Variants in PCDH15 observed in about 807,000 individuals in gnomAD.
The protein encoded by PCDH15 is protocadherin related 15.
Under a neutral mutation model 178.5 loss-of-function variants are expected in PCDH15, and 129 were observed. The ratio of observed to expected loss-of-function variants is 0.72; its 90% CI spans 0.63 to 0.84. PCDH15 has a LOEUF of 0.84. PCDH15 is among the 40% of genes least tolerant of loss of function. The pLI is 0.00. For synonymous variants in PCDH15, 800 were observed against 732.0 expected (o/e 1.09, Z -1.50); for missense variants, 2,230 against 2,099.9 (o/e 1.06, Z -1.21).
chr10:54,870,350 G>A (rs921232826), intron 3 of PCDH15, among the ~76,000 whole-genome samples: 12 of 152,238 alleles, frequency 7.9e-5, no homozygotes, highest in Non-Finnish European at 1.5e-4. Context: ...AGGTGGCCTG[G>A]GAGTTACATT....
At chr10:54,755,586 G>A (rs1946960243) in intron 1 of PCDH15, among the ~76,000 whole-genome samples, 3 of 152,160 alleles carry the variant, frequency 2.0e-5, no homozygotes, top group Middle Eastern at 3.4e-3. Context: ...ACAGGGAAGA[G>A]AAAGATACAT....
chr10:54,049,772 C>T (rs571140067), intron 18 of PCDH15, among the ~76,000 whole-genome samples: 1 of 152,090 alleles, frequency 6.6e-6, no homozygotes, highest in Non-Finnish European at 1.5e-5. Flanking sequence ...AAGCACCCGC[C>T]ACCAAGCCTG....
intron 21 of PCDH15, among the ~76,000 whole-genome samples, chr10:53,965,621 C>T (rs371030198): frequency 1.3e-5 from 2 of 152,100 alleles, no homozygotes; most frequent in Non-Finnish European, 2.9e-5. Flanking sequence ...GTAAATCTCG[C>T]CTTAGAACAC....
intron 2 of PCDH15, among the ~76,000 whole-genome samples, chr10:55,369,877 T>C (rs1186088771): frequency 6.6e-6 from 1 of 152,024 alleles, no homozygotes; most frequent in African/African-American, 2.4e-5. Flanking sequence ...GGGTCTGTCC[T>C]GGACTGAGAC....
chr10:54,919,002 G>C (rs535079844), intron 2 of PCDH15, among the ~76,000 whole-genome samples: 170 of 152,188 alleles, frequency 1.1e-3, no homozygotes, highest in Non-Finnish European at 1.8e-3. Flanking sequence ...ACTCATTTAG[G>C]AAAAGATCAC....
chr10:55,145,237 T>C (rs929640782), intron 2 of PCDH15, among the ~76,000 whole-genome samples: 2 of 151,930 alleles, frequency 1.3e-5, no homozygotes, highest in Admixed American at 1.3e-4. Flanking sequence ...GAGGACCAGG[T>C]TTTGCAGGAT....
chr10:54,533,485 T>C (rs1328813884), intron 2 of PCDH15, among the ~76,000 whole-genome samples: 1 of 152,012 alleles, frequency 6.6e-6, no homozygotes, highest in African/African-American at 2.4e-5. Flanking sequence ...AGTAAAGTGA[T>C]GAAAAAAAAG....
intron 2 of PCDH15, among the ~76,000 whole-genome samples, chr10:54,962,675 G>A (rs906379729): frequency 2.0e-5 from 3 of 152,198 alleles, no homozygotes; most frequent in Admixed American, 1.3e-4. Context: ...TCCTGGAGCT[G>A]CCTGCCTTGC....
At chr10:55,531,980 A>G (rs185552608) in intron 2 of PCDH15, among the ~76,000 whole-genome samples, 1 of 152,158 alleles carries the variant, frequency 6.6e-6, no homozygotes, top group African/African-American at 2.4e-5. Flanking sequence ...CGAAGAAGTG[A>G]ATAAATAGAT....
At chr10:53,847,991 A>G (rs1401492364) in intron 28 of PCDH15, among the ~76,000 whole-genome samples, 1 of 152,106 alleles carries the variant, frequency 6.6e-6, no homozygotes. Flanking sequence ...ACTTTCTGAT[A>G]CAAACGGAAT....
At chr10:54,366,081 C>T (rs1350966395) in intron 5 of PCDH15, among the ~76,000 whole-genome samples, 12 of 151,886 alleles carry the variant, frequency 7.9e-5, no homozygotes. Flanking sequence ...GATGATTGAC[C>T]TAAGGACTTG....
chr10:54,815,084 A>G (rs1468133267), intron 3 of PCDH15, among the ~76,000 whole-genome samples: 2 of 152,066 alleles, frequency 1.3e-5, no homozygotes, highest in Non-Finnish European at 2.9e-5. Context: ...CCCTTGGACA[A>G]TAAGGGTTTG....
intron 2 of PCDH15, among the ~76,000 whole-genome samples, chr10:54,592,085 C>T (rs1298135424): frequency 6.6e-6 from 1 of 152,076 alleles, no homozygotes; most frequent in Non-Finnish European, 1.5e-5. Flanking sequence ...TTTGTGAACA[C>T]AGTGGTAAAT....
chr10:54,273,372 A>C (rs1425364556), intron 8 of PCDH15, among the ~76,000 whole-genome samples: 2 of 89,298 alleles, frequency 2.2e-5, no homozygotes, highest in Admixed American at 1.2e-4. Flanking sequence ...GAAGTAGTAC[A>C]GTAAAAAAAA....
intron 1 of PCDH15, among the ~76,000 whole-genome samples, chr10:54,796,444 C>A (rs1237046937): frequency 2.7e-5 from 4 of 147,788 alleles, no homozygotes; most frequent in Non-Finnish European, 5.9e-5. Context: ...CTTTCCCTAT[C>A]TCTTTACATT....
In PCDH15 at chr10:54,213,989, G is replaced by C. The variant is rs1554841242; in HGVS notation, c.1045C>G (p.Leu349Val). 6.2e-7 allele frequency: 1 copy of C among 1,612,254 alleles called. No individual in the cohort carries two copies. The highest frequency in any genetic ancestry group is 8.5e-7 in the Non-Finnish European group (1 of 1,178,516). The change falls in exon 10 of 38, where the codon CTC (leucine) becomes GTC (valine). Residue 349 changes from leucine to valine, a missense_variant. Leu to Val is a conservative substitution (Grantham distance 32). Coordinates refer to ENST00000644397, the MANE Select transcript of PCDH15 (RefSeq NM_001384140.1). Reference sequence around the variant, plus strand: ...AAGTCTCTGTTTACTGGCTCCAGGAGACTAAGTTCTGCTGTCCTAGGATGC... The same window carrying C: ...AAGTCTCTGTTTACTGGCTCCAGGACACTAAGTTCTGCTGTCCTAGGATGC... ...HMHPRTAELS[L>V]LEPVNRDFHQ...
At chr10:53,950,298 T>C (rs924518268) in intron 23 of PCDH15, among the ~76,000 whole-genome samples, 1 of 152,040 alleles carries the variant, frequency 6.6e-6, no homozygotes, top group African/African-American at 2.4e-5. Context: ...TATTTTATTA[T>C]ATATATACCA....
intron 3 of PCDH15, among the ~76,000 whole-genome samples, chr10:54,523,988 G>T (rs1431208167): frequency 1.3e-5 from 2 of 152,142 alleles, no homozygotes; most frequent in Non-Finnish European, 2.9e-5. Context: ...ATACTGCTTA[G>T]GAAAGTTCTG....
At chr10:54,793,701 CATATATATACATATATATACACTTGTGT>C (rs887457092) in intron 1 of PCDH15, among the ~76,000 whole-genome samples, 2 of 144,704 alleles carry the variant, frequency 1.4e-5, no homozygotes, top group Admixed American at 6.9e-5. Flanking sequence ...CATATATAAA[CATATATATACATATATATACACTTGTGT>C]ATATATATGT....
Sources: allele counts gnomAD v4.1 joint callset (sites outside exome capture counted in the v4.1 genomes callset), GRCh38; gene constraint gnomAD v4.1.1; transcripts MANE v1.5; gene names NCBI Gene and HGNC (gene_info 2026-07-23, HGNC 2026-07-21).